The following NTRK3 variants were observed in gnomAD, a reference collection of about 807,000 sequenced individuals.
NTRK3 encodes the protein NT-3 growth factor receptor.
NTRK3 carries 24 observed loss-of-function variants against 91.7 expected under a neutral mutation model. The observed-to-expected ratio is 0.26, with a 90% CI of 0.19 to 0.37. The LOEUF (loss-of-function observed/expected upper bound fraction) is 0.37. NTRK3 is among the 10% of genes least tolerant of loss of function. NTRK3 has a pLI of 1.00. For missense variants in NTRK3, 880 were observed against 1,068.9 expected, an observed-to-expected ratio of 0.82 and a Z score of 2.46; for synonymous variants, 483 against 404.0, an observed-to-expected ratio of 1.20 and a Z score of -2.34.
rs184252521 is a variant in NTRK3 at position 88,103,783 on chromosome 15, C to T, written c.1396+22488G>A. ...GAAACCCCTCCAATAGCCTCCCATT[C>T]CCCCACAGAGTCCCCACCTGAACCA... On this transcript the variant is annotated intron_variant, in intron 13 of 18. Coordinates refer to ENST00000394480, the Ensembl canonical transcript of NTRK3. 3.1e-3 allele frequency among the ~76,000 whole-genome samples: 475 copies of T among 152,178 alleles called. 2 individuals carry two copies. Among genetic ancestry groups the T allele is most frequent in the African/African-American group, 0.011 (446 of 41,524 alleles).
At chr15:87,979,560 G>C in intron 14 of NTRK3, 1 of 804,532 alleles carries the variant, frequency 1.2e-6, no homozygotes, top group African/African-American at 1.7e-5. Flanking sequence ...GAAATAGAGA[G>C]GGAGCTTGAA....
chr15:88,224,263 A>T (rs1393997557), intron 3 of NTRK3, among the ~76,000 whole-genome samples: 3 of 152,214 alleles, frequency 2.0e-5, no homozygotes, highest in Non-Finnish European at 4.4e-5. Flanking sequence ...ACCAGAACTC[A>T]GAACCTAGAT....
At chr15:87,989,937 T>C (rs530593250) in intron 14 of NTRK3, among the ~76,000 whole-genome samples, 223 of 152,356 alleles carry the variant, frequency 1.5e-3, no homozygotes, top group African/African-American at 5.0e-3. Context: ...TTAATTCATT[T>C]TGAGTGAAAA....
At chr15:87,980,227 T>G (rs2074105114) in intron 14 of NTRK3, among the ~76,000 whole-genome samples, 1 of 152,120 alleles carries the variant, frequency 6.6e-6, no homozygotes, top group Non-Finnish European at 1.5e-5. Context: ...ATGGACTGAG[T>G]TAGGATATCC....
At chr15:88,074,197 G>A (rs918614991) in intron 13 of NTRK3, among the ~76,000 whole-genome samples, 1 of 152,192 alleles carries the variant, frequency 6.6e-6, no homozygotes, top group Non-Finnish European at 1.5e-5. Context: ...AGAGGACTAA[G>A]TATTATACTC....
intron 13 of NTRK3, among the ~76,000 whole-genome samples, chr15:88,106,232 G>T (rs886126970): frequency 6.6e-6 from 1 of 152,232 alleles, no homozygotes; most frequent in East Asian, 1.9e-4. Context: ...GACAAGGTTG[G>T]CTTGGCTTCT....
exon 19 of NTRK3, chr15:87,864,359 A>G (rs972489844): frequency 3.0e-5 from 7 of 231,360 alleles, no homozygotes; most frequent in Admixed American, 1.1e-4. Context: ...GAAGTATCCT[A>G]AGAAAGGCTA....
At chr15:87,979,770 C>T (rs572495374) in intron 14 of NTRK3, among the ~76,000 whole-genome samples, 5 of 152,254 alleles carry the variant, frequency 3.3e-5, no homozygotes, top group Non-Finnish European at 7.4e-5. Context: ...GGGTCTCAGT[C>T]TATAAGCATC....
chr15:87,975,444 T>C, intron 14 of NTRK3, among the ~76,000 whole-genome samples: 1 of 152,178 alleles, frequency 6.6e-6, no homozygotes, highest in Non-Finnish European at 1.5e-5. Flanking sequence ...GATCAAAATG[T>C]AAGCTTAAGG....
At position 88,216,802 on chromosome 15, in the gene NTRK3, C is replaced by T. The variant is rs183272639; in HGVS notation, c.249-32503G>A. On this transcript the variant is annotated intron_variant, in intron 3 of 18. Coordinates refer to ENST00000394480, the Ensembl canonical transcript of NTRK3. ...AAGAGCTCCAGAACTTATTATCCAC[C>T]CTTCTCTTGAGGAACTGATCTCACC... is the stretch of plus-strand genomic sequence containing the variant. Among the ~76,000 whole-genome samples the T allele has an allele frequency of 2.4e-3, 372 of 152,274 alleles. 3 individuals are homozygous for T. The highest frequency in any genetic ancestry group is 3.7e-3 in the Non-Finnish European group (252 of 68,018).
At chr15:88,023,560 T>C (rs2077764766) in intron 14 of NTRK3, among the ~76,000 whole-genome samples, 1 of 152,238 alleles carries the variant, frequency 6.6e-6, no homozygotes, top group Admixed American at 6.5e-5. Context: ...AGATTCATCT[T>C]ATGGTTCCCC....
rs372221310 is a variant in NTRK3 at position 87,929,140 on chromosome 15, G to T, written c.2133+51C>A. ...AATGGACAATGAAAAAGACATGTAA[G>T]CAAGGCGCTAGCTCTGTGGCTGAGT... On this transcript the variant is annotated intron_variant, in intron 17 of 18. Coordinates refer to ENST00000394480, the Ensembl canonical transcript of NTRK3. The T allele has an allele frequency of 1.9e-6, 3 of 1,613,826 alleles. No individual in the cohort carries two copies. In the Admixed American group the frequency reaches 5.0e-5, roughly 27 times the overall value.
intron 13 of NTRK3, among the ~76,000 whole-genome samples, chr15:88,037,405 T>A (rs146764541): frequency 6.6e-6 from 1 of 152,020 alleles, no homozygotes; most frequent in Non-Finnish European, 1.5e-5. Flanking sequence ...ATACTAAAAA[T>A]ACAAAAATTA....
chr15:88,075,743 T>C (rs1421331916), intron 13 of NTRK3, among the ~76,000 whole-genome samples: 2 of 152,356 alleles, frequency 1.3e-5, no homozygotes, highest in African/African-American at 4.8e-5. Context: ...CAGTAGATAC[T>C]GTTTTGTAGG....
intron 13 of NTRK3, among the ~76,000 whole-genome samples, chr15:88,084,050 A>C (rs1048044209): frequency 6.7e-5 from 10 of 149,090 alleles, no homozygotes; most frequent in Admixed American, 6.6e-4. Context: ...ACTCATCAAC[A>C]TGCTGTTTTG....
chr15:88,150,140 T>C (rs920072155), intron 5 of NTRK3, among the ~76,000 whole-genome samples: 2 of 152,144 alleles, frequency 1.3e-5, no homozygotes, highest in African/African-American at 4.8e-5. Flanking sequence ...CTGAAGAACA[T>C]GCCCCTGGTA....
chr15:88,176,133 C>CTTT (rs1167029194), intron 5 of NTRK3, among the ~76,000 whole-genome samples: 16 of 115,642 alleles, frequency 1.4e-4, no homozygotes, highest in African/African-American at 6.4e-4. Flanking sequence ...CTATATGCCC[C>CTTT]TTCTTTTTTT....
intron 14 of NTRK3, among the ~76,000 whole-genome samples, chr15:87,999,414 C>T (rs1320575865): frequency 6.6e-6 from 1 of 152,096 alleles, no homozygotes; most frequent in Non-Finnish European, 1.5e-5. Flanking sequence ...TACATGTATC[C>T]CCCACTATTA....
intron 14 of NTRK3, among the ~76,000 whole-genome samples, chr15:88,024,339 G>A (rs1305270411): frequency 6.6e-6 from 1 of 152,208 alleles, no homozygotes; most frequent in Non-Finnish European, 1.5e-5. Context: ...GTGAGGCCAG[G>A]AACTCCACAC....
Sources: allele counts gnomAD v4.1 joint callset (sites outside exome capture counted in the v4.1 genomes callset), GRCh38; gene constraint gnomAD v4.1.1; transcripts MANE v1.5; gene names NCBI Gene and HGNC (gene_info 2026-07-23, HGNC 2026-07-21).